MTUS2: variants seen among roughly 807,000 people sequenced by gnomAD.
MTUS2 encodes microtubule-associated tumor suppressor candidate 2.
Under a neutral mutation model 114.1 loss-of-function variants are expected in MTUS2, and 40 were observed. The ratio of observed to expected loss-of-function variants is 0.35; its 90% CI spans 0.27 to 0.46. MTUS2 has a LOEUF of 0.46. MTUS2 is among the 20% of genes least tolerant of loss of function. The pLI is 1.00. For synonymous variants in MTUS2, 688 were observed against 672.0 expected (o/e 1.02, Z -0.37); for missense variants, 1,679 against 1,705.4 (o/e 0.98, Z 0.27).
chr13:28,943,451 C>A (rs542376175), intron 2 of MTUS2, among the ~76,000 whole-genome samples: 1 of 152,294 alleles, frequency 6.6e-6, no homozygotes, highest in Non-Finnish European at 1.5e-5. Context: ...TTTCTTAGTA[C>A]ACTAGCTGCA....
chr13:28,982,436 G>C (rs765022077), intron 2 of MTUS2, among the ~76,000 whole-genome samples: 1 of 152,156 alleles, frequency 6.6e-6, no homozygotes, highest in Non-Finnish European at 1.5e-5. Flanking sequence ...AAATGCTGCT[G>C]CTGCTGCTGT....
intron 4 of MTUS2, among the ~76,000 whole-genome samples, chr13:29,071,261 A>G (rs1424944837): frequency 6.6e-6 from 1 of 151,022 alleles, no homozygotes; most frequent in East Asian, 2.0e-4. Context: ...CAGCCTCCCA[A>G]AGTGCTGGGA....
chr13:29,138,581 C>T (rs1892082701), intron 5 of MTUS2, among the ~76,000 whole-genome samples: 1 of 150,556 alleles, frequency 6.6e-6, no homozygotes, highest in Admixed American at 6.6e-5. Context: ...AGATGGATGA[C>T]TAGAGTGGGA....
At chr13:29,073,774 C>G (rs1027970439) in intron 4 of MTUS2, among the ~76,000 whole-genome samples, 9 of 152,056 alleles carry the variant, frequency 5.9e-5, no homozygotes, top group African/African-American at 1.9e-4. Context: ...GCTTTTCAGA[C>G]CAAAGTTTCC....
At chr13:29,072,752 A>G (rs1262535372) in intron 4 of MTUS2, among the ~76,000 whole-genome samples, 1 of 152,354 alleles carries the variant, frequency 6.6e-6, no homozygotes, top group Non-Finnish European at 1.5e-5. Flanking sequence ...TTAGCAATCC[A>G]TATTTATAAC....
At chr13:29,229,620 A>G (rs1896246093) in intron 5 of MTUS2, among the ~76,000 whole-genome samples, 1 of 152,174 alleles carries the variant, frequency 6.6e-6, no homozygotes, top group African/African-American at 2.4e-5. Context: ...AAATAAACTC[A>G]CAATCTCAGT....
At chr13:28,851,249 C>T (rs576435350) in intron 2 of MTUS2, among the ~76,000 whole-genome samples, 55 of 152,316 alleles carry the variant, frequency 3.6e-4, no homozygotes, top group Non-Finnish European at 6.9e-4. Flanking sequence ...GTAACATTCA[C>T]ATAATTCAAA....
Position 29,318,196 on chromosome 13 carries a change from T to G in MTUS2, c.2807-6417T>G, listed in dbSNP as rs190946181. Among the ~76,000 whole-genome samples, 31 of 152,230 alleles carry G rather than the reference T, an allele frequency of 2.0e-4. 1 individual carries two copies. The East Asian group carries it at 5.4e-3, about 27-fold the overall frequency. On this transcript the variant is annotated intron_variant, in intron 6 of 15. Coordinates refer to ENST00000612955, the MANE Select transcript of MTUS2 (RefSeq NM_001033602.4). ...TATCTTTTCTTACTTATATTGAGAT[T>G]TACTTGCAGGAATTTGCAGCCTATT...
At chr13:28,825,503 G>A (rs1289712800) in intron 1 of MTUS2, among the ~76,000 whole-genome samples, 1 of 152,116 alleles carries the variant, frequency 6.6e-6, no homozygotes, top group African/African-American at 2.4e-5. Context: ...GTTTGAGGAG[G>A]GGAAATTACT....
chr13:29,488,669 T>C (rs1881825782), intron 11 of MTUS2, among the ~76,000 whole-genome samples: 1 of 152,148 alleles, frequency 6.6e-6, no homozygotes, highest in Admixed American at 6.5e-5. Context: ...CCGGCATGGA[T>C]ACACTTTCTT....
chr13:29,313,373 C>T (rs879391074), intron 6 of MTUS2, among the ~76,000 whole-genome samples: 1 of 152,004 alleles, frequency 6.6e-6, no homozygotes, highest in Non-Finnish European at 1.5e-5. Context: ...TTATTTATGG[C>T]TTGGGCAAAA....
chr13:28,963,649 T>A (rs1424905348), intron 2 of MTUS2, among the ~76,000 whole-genome samples: 2 of 152,174 alleles, frequency 1.3e-5, no homozygotes, highest in Non-Finnish European at 2.9e-5. Context: ...TTTCATCCAT[T>A]TCACACAGTC....
chr13:29,134,846 A>G (rs1468935393), intron 5 of MTUS2, among the ~76,000 whole-genome samples: 1 of 152,176 alleles, frequency 6.6e-6, no homozygotes, highest in African/African-American at 2.4e-5. Context: ...TTGACCTTCC[A>G]AAGTGCTGGG....
chr13:29,127,850 A>C (rs1891586260), intron 5 of MTUS2, among the ~76,000 whole-genome samples: 1 of 152,240 alleles, frequency 6.6e-6, no homozygotes, highest in Admixed American at 6.5e-5. Flanking sequence ...CCTGCTAAGC[A>C]GCGTGGTTTT....
At chr13:28,916,308 G>A (rs1365963176) in intron 2 of MTUS2, among the ~76,000 whole-genome samples, 4 of 151,744 alleles carry the variant, frequency 2.6e-5, no homozygotes, top group Admixed American at 6.6e-5. Flanking sequence ...AGACATATTA[G>A]CGTTGTTTTT....
rs1038800768 is a variant in MTUS2, at chr13:29,504,627, G to C, written c.*1421G>C. The C allele has an allele frequency of 4.3e-6, 1 of 232,972 alleles. No individual in the cohort carries two copies. Among genetic ancestry groups the C allele is most frequent in the Non-Finnish European group, 8.5e-6 (1 of 117,934 alleles). 14.4% of individuals were successfully genotyped at this position (232,972 alleles called of 1,614,324 possible). Reference sequence around the variant, plus strand: ...ATCTGTCTCTAAAATGGTAGAATTAGGATATGAACAGTACTCATGTAGTGG... The same window carrying C: ...ATCTGTCTCTAAAATGGTAGAATTACGATATGAACAGTACTCATGTAGTGG... On this transcript the variant is annotated 3_prime_UTR_variant, in exon 16 of 16. Transcript: ENST00000612955.
At position 28,841,709 on chromosome 13, in the gene MTUS2, C is replaced by T. The variant is rs550785024; in HGVS notation, c.-243+1859C>T. On this transcript the variant is annotated intron_variant, in intron 2 of 15. Transcript: ENST00000612955. ...TTGTTTTTTTGTTTTTTTTTTGATACGGAGTCTCACTCTGTCGCCCAGGTT... is the reference window on the plus strand; with the variant it reads ...TTGTTTTTTTGTTTTTTTTTTGATATGGAGTCTCACTCTGTCGCCCAGGTT... Among the ~76,000 whole-genome samples, 18 of 149,832 alleles carry T rather than the reference C, an allele frequency of 1.2e-4. No homozygotes were observed. In the South Asian group the frequency reaches 3.2e-3, roughly 26 times the overall value.
intron 5 of MTUS2, among the ~76,000 whole-genome samples, chr13:29,144,517 C>T (rs1165262815): frequency 6.6e-6 from 1 of 152,112 alleles, no homozygotes; most frequent in African/African-American, 2.4e-5. Flanking sequence ...GAATGAGCCA[C>T]TGTGGCCAGC....
chr13:29,165,417 T>G (rs1893275878), intron 5 of MTUS2, among the ~76,000 whole-genome samples: 1 of 152,198 alleles, frequency 6.6e-6, no homozygotes, highest in African/African-American at 2.4e-5. Context: ...ACATTTAAGA[T>G]CATTCTACAG....
Sources: allele counts gnomAD v4.1 joint callset (sites outside exome capture counted in the v4.1 genomes callset), GRCh38; gene constraint gnomAD v4.1.1; transcripts MANE v1.5; gene names NCBI Gene and HGNC (gene_info 2026-07-23, HGNC 2026-07-21).